Variants in PGAP4 observed in about 807,000 individuals in gnomAD.
PGAP4 encodes post-GPI attachment to proteins GalNAc transferase 4, also known as GPI-N-acetylgalactosamine transferase PGAP4.
In PGAP4, 12 loss-of-function variants were observed where a neutral mutation model predicts 28.2. The ratio of observed to expected loss-of-function variants is 0.42; its 90% CI spans 0.27 to 0.69. The LOEUF (loss-of-function observed/expected upper bound fraction) is 0.69. PGAP4 is among the 30% of genes least tolerant of loss of function. PGAP4 has a pLI of 0.22. For synonymous variants in PGAP4, 205 were observed against 211.8 expected (o/e 0.97, Z 0.28); for missense variants, 425 against 513.5 (o/e 0.83, Z 1.67).
chr9:101,483,641 A>G (rs1826544274), intron 1 of PGAP4, among the ~76,000 whole-genome samples: 1 of 152,064 alleles, frequency 6.6e-6, no homozygotes, highest in African/African-American at 2.4e-5. Context: ...GTATATATAC[A>G]CATGTACTAT....
Position 101,475,563 on chromosome 9 carries a change from T to C in PGAP4, c.*318A>G, listed in dbSNP as rs1037899645. The C allele has an allele frequency of 9.6e-6, 3 of 313,668 alleles. No individual in the cohort carries two copies. In the Admixed American group the frequency reaches 1.4e-4, roughly 15 times the overall value. The allele number at this position is 313,668 out of a possible 1,614,324, so 19.4% of individuals were successfully genotyped here. ...CACAAAATTTTTGGCAGTCACAAGC[T>C]CTAACACAAAGCAGAGCTTAAAAAC... On this transcript the variant is annotated 3_prime_UTR_variant, in exon 2 of 2. Coordinates refer to ENST00000374848, the MANE Select transcript of PGAP4 (RefSeq NM_032342.3).
chr9:101,483,814 A>T (rs1826548243), intron 1 of PGAP4, among the ~76,000 whole-genome samples: 1 of 152,330 alleles, frequency 6.6e-6, no homozygotes, highest in South Asian at 2.1e-4. Flanking sequence ...AAATATGCAG[A>T]ATATACACAC....
exon 1 of PGAP4, chr9:101,533,095 T>TAAA (rs111268872): frequency 6.7e-6 from 1 of 149,322 alleles, no homozygotes; most frequent in African/African-American, 2.5e-5. Context: ...GTCATAAACT[T>TAAA]AAAAAAAAAA....
chr9:101,492,204 T>C (rs1031525884), intron 2 of PGAP4, among the ~76,000 whole-genome samples: 3 of 152,182 alleles, frequency 2.0e-5, no homozygotes, highest in African/African-American at 7.2e-5. Flanking sequence ...CAGTAATTTT[T>C]TTTTTTTGAG....
chr9:101,480,523 C>G (rs1324853565), intron 1 of PGAP4: 1 of 152,158 alleles, frequency 6.6e-6, no homozygotes, highest in East Asian at 1.9e-4. Flanking sequence ...CATAATAACT[C>G]AAATTCAACA....
intron 2 of PGAP4, among the ~76,000 whole-genome samples, chr9:101,527,420 T>G (rs1827045209): frequency 6.6e-6 from 1 of 152,226 alleles, no homozygotes; most frequent in Admixed American, 6.5e-5. Context: ...CATGTCGTTG[T>G]TGGAGTCAAT....
chr9:101,507,593 C>A (rs760910427), intron 2 of PGAP4, among the ~76,000 whole-genome samples: 7 of 152,078 alleles, frequency 4.6e-5, no homozygotes, highest in Non-Finnish European at 1.0e-4. Flanking sequence ...ACGAGACAGC[C>A]TTTGTAGGAT....
intron 2 of PGAP4, among the ~76,000 whole-genome samples, chr9:101,506,567 G>A (rs954693520): frequency 1.3e-5 from 2 of 152,030 alleles, no homozygotes; most frequent in Non-Finnish European, 2.9e-5. Flanking sequence ...TGACTCACCT[G>A]AGCCAGATCT....
rs1446912377 is a variant in PGAP4, at chr9:101,473,886, C to G, written c.*1995G>C. ...GAGAGGAGGAATGAAGGAGTGGGAT[C>G]TGAACATTGTAATAAGTCATCTAGT... On this transcript the variant is annotated 3_prime_UTR_variant, in exon 2 of 2. Coordinates refer to ENST00000374848, the MANE Select transcript of PGAP4 (RefSeq NM_032342.3). 6.6e-6 allele frequency: 1 copy of G among 152,168 alleles called. No individual in the cohort carries two copies. Among genetic ancestry groups the G allele is most frequent in the Non-Finnish European group, 1.5e-5 (1 of 68,086 alleles). The allele number at this position is 152,168 out of a possible 1,614,324, so 9.4% of individuals were successfully genotyped here.
At chr9:101,506,762 C>T (rs1380098803) in intron 2 of PGAP4, among the ~76,000 whole-genome samples, 4 of 152,078 alleles carry the variant, frequency 2.6e-5, no homozygotes, top group Admixed American at 2.6e-4. Flanking sequence ...ATTCCCTTAA[C>T]ATCCATTAAA....
intron 2 of PGAP4, among the ~76,000 whole-genome samples, chr9:101,519,870 C>T (rs537564993): frequency 1.3e-5 from 2 of 152,060 alleles, no homozygotes; most frequent in Admixed American, 1.3e-4. Flanking sequence ...GGTTTAAGAG[C>T]TTAATCCATC....
At chr9:101,507,493 T>C (rs1826857617) in intron 2 of PGAP4, among the ~76,000 whole-genome samples, 1 of 152,128 alleles carries the variant, frequency 6.6e-6, no homozygotes, top group African/African-American at 2.4e-5. Context: ...GTCCCTAATA[T>C]TTTCCTATTA....
chr9:101,503,880 AC>A, intron 2 of PGAP4, among the ~76,000 whole-genome samples: 1 of 151,970 alleles, frequency 6.6e-6, no homozygotes. Context: ...AAAAAATTGG[AC>A]TTTCAGGGTT....
intron 2 of PGAP4, among the ~76,000 whole-genome samples, chr9:101,494,759 G>A (rs958774524): frequency 1.3e-5 from 2 of 151,656 alleles, no homozygotes; most frequent in African/African-American, 4.8e-5. Context: ...CAAGGACTCA[G>A]AATAGCCATG....
intron 2 of PGAP4, among the ~76,000 whole-genome samples, chr9:101,494,915 T>G (rs1826725443): frequency 6.6e-6 from 1 of 150,616 alleles, no homozygotes; most frequent in Non-Finnish European, 1.5e-5. Flanking sequence ...TTTCAATTAG[T>G]TACCTGAATA....
chr9:101,491,947 T>C (rs886916402), upstream of PGAP4, among the ~76,000 whole-genome samples: 1 of 150,648 alleles, frequency 6.6e-6, no homozygotes, highest in Non-Finnish European at 1.5e-5. Context: ...CATTCTGCAA[T>C]TGTTGGGGGT....
At chr9:101,500,366 G>A (rs565923602) in intron 2 of PGAP4, among the ~76,000 whole-genome samples, 2 of 151,768 alleles carry the variant, frequency 1.3e-5, no homozygotes. Context: ...GCTCTTCCTC[G>A]CATTACTGTA....
intron 2 of PGAP4, among the ~76,000 whole-genome samples, chr9:101,529,800 G>A (rs1450201350): frequency 6.6e-6 from 1 of 152,176 alleles, no homozygotes; most frequent in African/African-American, 2.4e-5. Context: ...CTCCCAGGTG[G>A]ACCTGGACAT....
Position 101,486,787 on chromosome 9 carries a change from C to A in PGAP4, c.-78+162G>T, listed in dbSNP as rs999982018. On this transcript the variant is annotated intron_variant, in intron 1 of 1. Coordinates refer to ENST00000374848, the MANE Select transcript of PGAP4 (RefSeq NM_032342.3). This position sits in a 1 kb window ranked among gnomAD's most constrained non-coding sequence, Gnocchi z 4.7. ...AGGCAACCCGCCTGCCCGAGGCGCA[C>A]TGCCCGGGGCACAGGCCCTCTGCGA... is the stretch of plus-strand genomic sequence containing the variant. 2.0e-4 allele frequency among the ~76,000 whole-genome samples: 30 copies of A among 152,354 alleles called. No individual in the cohort carries two copies. The highest frequency in any genetic ancestry group is 7.0e-4 in the African/African-American group (29 of 41,598).
Sources: gnomAD v4.1 joint callset for allele counts (sites outside exome capture counted in the v4.1 genomes callset) on GRCh38, gnomAD v4.1.1 for gene constraint, Gnocchi (gnomAD v3.1) non-coding constraint, MANE v1.5 for transcripts, NCBI Gene and HGNC (gene_info 2026-07-23, HGNC 2026-07-21) for gene names.